Variants in CACNA1E observed in about 807,000 individuals in gnomAD.
CACNA1E encodes voltage-dependent R-type calcium channel subunit alpha-1E.
Under a neutral mutation model 259.2 loss-of-function variants are expected in CACNA1E, and 40 were observed. That is an observed-to-expected ratio of 0.15 (90% CI 0.12 to 0.20). The LOEUF (loss-of-function observed/expected upper bound fraction) is 0.20. CACNA1E is among the 10% of genes least tolerant of loss of function. The pLI is 1.00. For synonymous variants in CACNA1E, 1,104 were observed against 1,138.5 expected (o/e 0.97, Z 0.61); for missense variants, 1,874 against 3,040.1 (o/e 0.62, Z 9.02).
intron 22 of CACNA1E, 56 bp from the exon 23 acceptor site, chr1:181,737,469 T>G: frequency 1.9e-6 from 3 of 1,600,614 alleles, no homozygotes; most frequent in Non-Finnish European, 2.6e-6. Context: ...GAGTGAGGAG[T>G]AAGGGCATGG....
intron 2 of CACNA1E, among the ~76,000 whole-genome samples, chr1:181,416,815 C>T (rs1658308361): frequency 6.6e-6 from 1 of 152,166 alleles, no homozygotes; most frequent in Admixed American, 6.5e-5. Flanking sequence ...TCGTTGCCAC[C>T]ATCTACAAAC....
At chr1:181,677,864 T>C (rs1426785188) in intron 7 of CACNA1E, among the ~76,000 whole-genome samples, 2 of 152,166 alleles carry the variant, frequency 1.3e-5, no homozygotes, top group Non-Finnish European at 2.9e-5. Flanking sequence ...TCCCCAACTT[T>C]GAGGCAGGCC....
rs548133668 is a variant in CACNA1E at position 181,440,001 on chromosome 1, G to A, written c.434+26421G>A. ...GTGGTATGTGGAGTACAATCCTTTC[G>A]GCAATAATAGTCATAATAGGAAATA... On this transcript the variant is annotated intron_variant, in intron 2 of 11. Transcript: ENST00000524607. Among the ~76,000 whole-genome samples the A allele has an allele frequency of 3.3e-5, 5 of 152,142 alleles. No homozygotes were observed. In the South Asian group the frequency reaches 6.2e-4, roughly 19 times the overall value.
chr1:181,416,575 T>C (rs941073687), intron 2 of CACNA1E, among the ~76,000 whole-genome samples: 3 of 152,206 alleles, frequency 2.0e-5, no homozygotes, highest in South Asian at 2.1e-4. Flanking sequence ...TCATCTTCTC[T>C]GGAAGTCCCC....
chr1:181,589,078 G>T (rs946901666), intron 6 of CACNA1E, among the ~76,000 whole-genome samples: 10 of 152,182 alleles, frequency 6.6e-5, no homozygotes, highest in African/African-American at 2.4e-4. Context: ...TCATCCAGGG[G>T]TAATTATTGT....
chr1:181,527,197 T>C (rs1270230782), intron 3 of CACNA1E, among the ~76,000 whole-genome samples: 1 of 152,242 alleles, frequency 6.6e-6, no homozygotes, highest in Non-Finnish European at 1.5e-5. Flanking sequence ...GGGAAGTCCA[T>C]GATCAAAGCA....
At chr1:181,586,634 T>C (rs1466375930) in intron 6 of CACNA1E, among the ~76,000 whole-genome samples, 11 of 152,218 alleles carry the variant, frequency 7.2e-5, no homozygotes, top group Admixed American at 7.2e-4. Flanking sequence ...TTTCCTATCA[T>C]ATGATTATTC....
chr1:181,388,441 T>C (rs1656012828), intron 1 of CACNA1E, among the ~76,000 whole-genome samples: 1 of 152,200 alleles, frequency 6.6e-6, no homozygotes, highest in Middle Eastern at 3.2e-3. Context: ...TATAGCCTAT[T>C]ACACACCCAG....
At chr1:181,768,782 G>A (rs1659239593) in intron 35 of CACNA1E, among the ~76,000 whole-genome samples, 1 of 152,168 alleles carries the variant, frequency 6.6e-6, no homozygotes, top group Non-Finnish European at 1.5e-5. Flanking sequence ...CTATGACAGA[G>A]ACACAGCACC....
intron 2 of CACNA1E, among the ~76,000 whole-genome samples, chr1:181,468,243 AC>A (rs1662272005): frequency 6.6e-6 from 1 of 152,228 alleles, no homozygotes; most frequent in Non-Finnish European, 1.5e-5. Context: ...TTGCAGGTTC[AC>A]GGTGACCACT....
chr1:181,650,411 G>A (rs1443420883), intron 6 of CACNA1E, among the ~76,000 whole-genome samples: 1 of 152,116 alleles, frequency 6.6e-6, no homozygotes, highest in African/African-American at 2.4e-5. Context: ...TGGAGTGGGG[G>A]TCGAAGGGAT....
At chr1:181,560,096 G>T (rs772166621) in intron 3 of CACNA1E, among the ~76,000 whole-genome samples, 1 of 151,750 alleles carries the variant, frequency 6.6e-6, no homozygotes, top group Non-Finnish European at 1.5e-5. Context: ...ATGTACTACA[G>T]CTCTTAATTT....
At position 181,369,558 on chromosome 1, in the gene CACNA1E, A is replaced by G. The variant is rs1654533660; in HGVS notation, c.-14-43575A>G. 3.9e-5 allele frequency among the ~76,000 whole-genome samples: 6 copies of G among 152,232 alleles called. No homozygotes were observed. In the South Asian group the frequency reaches 1.0e-3, roughly 26 times the overall value. On this transcript the variant is annotated intron_variant, in intron 1 of 11. Transcript: ENST00000524607. ...GCCTCAAAGGTGGGGACCGCATACC[A>G]GGAGACATTTTTTTAGCAGCTGGTG...
intron 3 of CACNA1E, among the ~76,000 whole-genome samples, chr1:181,531,519 A>T (rs1480962928): frequency 6.6e-6 from 1 of 152,150 alleles, no homozygotes. Context: ...GATGAGTGAG[A>T]GGTGAAAAGC....
intron 3 of CACNA1E, among the ~76,000 whole-genome samples, chr1:181,531,914 G>A (rs1026263346): frequency 6.6e-5 from 10 of 152,166 alleles, no homozygotes; most frequent in South Asian, 2.1e-4. Context: ...AAATTACCCC[G>A]GTGTGATGGC....
intron 47 of CACNA1E, among the ~76,000 whole-genome samples, chr1:181,797,698 G>C (rs1661933130): frequency 6.6e-6 from 1 of 152,170 alleles, no homozygotes; most frequent in Non-Finnish European, 1.5e-5. Flanking sequence ...CTCTCCTGGA[G>C]GTTTACTTCC....
chr1:181,538,836 T>C (rs1020019272), intron 3 of CACNA1E, among the ~76,000 whole-genome samples: 1 of 152,238 alleles, frequency 6.6e-6, no homozygotes, highest in African/African-American at 2.4e-5. Flanking sequence ...AGTGATATAG[T>C]GTTAATCTGA....
In CACNA1E at chr1:181,660,971, C is replaced by G. The variant is rs73043408; in HGVS notation, c.1055+9530C>G. On this transcript the variant is annotated intron_variant, in intron 7 of 47. Coordinates refer to ENST00000367573, the MANE Select transcript of CACNA1E (RefSeq NM_001205293.3). ...AGGACAGAGAGCTGCTACCCCTCAA[C>G]GGGTTTGAGTCTAGGAAGAGATAGC... Among the ~76,000 whole-genome samples the G allele has an allele frequency of 1.7e-3, 259 of 152,270 alleles. 1 individual carries two copies. The highest frequency in any genetic ancestry group is 6.1e-3 in the African/African-American group (254 of 41,542).
intron 1 of CACNA1E, among the ~76,000 whole-genome samples, chr1:181,389,860 T>C (rs897964807): frequency 6.6e-6 from 1 of 152,186 alleles, no homozygotes; most frequent in African/African-American, 2.4e-5. Flanking sequence ...GAGATGTGCA[T>C]AGGTCCTAAG....
Sources: gnomAD v4.1 joint callset for allele counts (sites outside exome capture counted in the v4.1 genomes callset) on GRCh38, gnomAD v4.1.1 for gene constraint, MANE v1.5 for transcripts, NCBI Gene and HGNC (gene_info 2026-07-23, HGNC 2026-07-21) for gene names.